The following PDE4D variants were observed in gnomAD, a reference collection of about 807,000 sequenced individuals.
PDE4D encodes phosphodiesterase 4D, also known as 3',5'-cyclic-AMP phosphodiesterase 4D.
PDE4D carries 24 observed loss-of-function variants against 87.4 expected under a neutral mutation model. That is an observed-to-expected ratio of 0.27 (90% confidence interval 0.20 to 0.39). The LOEUF (loss-of-function observed/expected upper bound fraction) is 0.39, where lower values mean the gene tolerates loss of function less well. PDE4D is among the 10% of genes least tolerant of loss of function. The pLI, the probability that PDE4D is intolerant of heterozygous loss-of-function variation, is 1.00. For missense variants in PDE4D, 714 were observed against 1,041.0 expected (o/e 0.69, Z 4.32); for synonymous variants, 384 against 383.2 (o/e 1.00, Z -0.02).
chr5:59,768,810 A>C (rs1046293668), intron 1 of PDE4D, among the ~76,000 whole-genome samples: 2 of 152,224 alleles, frequency 1.3e-5, no homozygotes, highest in Admixed American at 1.3e-4. Context: ...TGTCCGTGCT[A>C]CAAAGCAGCC....
chr5:59,373,655 C>T (rs1784290763), intron 1 of PDE4D, among the ~76,000 whole-genome samples: 1 of 152,068 alleles, frequency 6.6e-6, no homozygotes, highest in South Asian at 2.1e-4. Flanking sequence ...TTAGAGAGGC[C>T]AACATTTAAA....
chr5:59,166,109 GT>G (rs922363991), intron 5 of PDE4D, among the ~76,000 whole-genome samples: 2 of 152,064 alleles, frequency 1.3e-5, no homozygotes, highest in Non-Finnish European at 2.9e-5. Flanking sequence ...AGCAGAGTTG[GT>G]TTTTTTGTAT....
chr5:59,811,994 G>A (rs1413971745), intron 1 of PDE4D, among the ~76,000 whole-genome samples: 1 of 152,202 alleles, frequency 6.6e-6, no homozygotes, highest in Non-Finnish European at 1.5e-5. Context: ...CTAGCGCGAG[G>A]AAAGTGACTG....
intron 1 of PDE4D, among the ~76,000 whole-genome samples, chr5:59,408,947 G>T (rs538741511): frequency 1.3e-5 from 2 of 152,078 alleles, no homozygotes; most frequent in Non-Finnish European, 2.9e-5. Flanking sequence ...AGGAGTTCAA[G>T]ACAAGCCTGG....
chr5:59,192,718 T>A (rs142338024), intron 3 of PDE4D, among the ~76,000 whole-genome samples: 1 of 152,210 alleles, frequency 6.6e-6, no homozygotes, highest in Non-Finnish European at 1.5e-5. Flanking sequence ...GTTAAATCAG[T>A]TTTATCTCAT....
chr5:60,316,802 G>A (rs558040312), intron 1 of PDE4D, among the ~76,000 whole-genome samples: 26 of 152,242 alleles, frequency 1.7e-4, no homozygotes, highest in South Asian at 4.2e-4. Flanking sequence ...ACTGATTTGC[G>A]TCTGTTGAAC....
chr5:59,411,451 G>T (rs1234185332), intron 1 of PDE4D, among the ~76,000 whole-genome samples: 1 of 152,128 alleles, frequency 6.6e-6, no homozygotes, highest in Non-Finnish European at 1.5e-5. Flanking sequence ...CACAGATTGG[G>T]TGGCTTACAC....
chr5:59,565,704 G>C (rs899497811), intron 1 of PDE4D, among the ~76,000 whole-genome samples: 4 of 152,206 alleles, frequency 2.6e-5, no homozygotes, highest in Admixed American at 2.0e-4. Context: ...CAAAGCAACT[G>C]GGCAAGGAAG....
In PDE4D at chr5:60,231,942, G is replaced by A. The variant is rs559053760; in HGVS notation, c.-89-46255C>T. Among the ~76,000 whole-genome samples, 150 of 152,058 alleles carry A rather than the reference G, an allele frequency of 9.9e-4. 1 individual carries two copies. Among genetic ancestry groups the A allele is most frequent in the African/African-American group, 3.5e-3 (146 of 41,554 alleles). ...AGACAATAAATGTTGGAGACATCCC[G>A]CTGTGAGCTGACATAGTATAGAGGG... On this transcript the variant is annotated intron_variant, in intron 1 of 16. Transcript: ENST00000502484.
At chr5:60,328,651 C>A (rs1248910470) in intron 1 of PDE4D, among the ~76,000 whole-genome samples, 2 of 152,062 alleles carry the variant, frequency 1.3e-5, no homozygotes, top group African/African-American at 4.8e-5. Flanking sequence ...TGGGCTCATG[C>A]ATATATGTTT....
chr5:59,580,722 T>G (rs933849378), intron 1 of PDE4D, among the ~76,000 whole-genome samples: 3 of 152,096 alleles, frequency 2.0e-5, no homozygotes, highest in Non-Finnish European at 4.4e-5. Flanking sequence ...TGCTATGAGA[T>G]TTTCTTTAAT....
intron 3 of PDE4D, among the ~76,000 whole-genome samples, chr5:59,954,132 C>T (rs1398500518): frequency 6.6e-6 from 1 of 152,162 alleles, no homozygotes; most frequent in Non-Finnish European, 1.5e-5. Flanking sequence ...CCATGTTGGC[C>T]AGGCTGGTCT....
intron 5 of PDE4D, among the ~76,000 whole-genome samples, chr5:59,130,258 TC>T (rs1233719331): frequency 6.6e-6 from 1 of 152,180 alleles, no homozygotes; most frequent in Non-Finnish European, 1.5e-5. Context: ...TTGTCTCTTC[TC>T]CCTGAGACAA....
chr5:59,815,637 T>A (rs1480777813), intron 1 of PDE4D, among the ~76,000 whole-genome samples: 4 of 152,230 alleles, frequency 2.6e-5, no homozygotes, highest in African/African-American at 7.2e-5. Context: ...TGTTAGCTAG[T>A]GTTCCTGGTA....
intron 13 of PDE4D, 134 bp downstream of exon 13, chr5:58,976,216 A>G: frequency 1.0e-6 from 1 of 987,974 alleles, no homozygotes; most frequent in Non-Finnish European, 1.4e-6. Context: ...AAATTTGGAT[A>G]AAAATCCTGC....
chr5:59,364,813 T>C lies in PDE4D; in HGVS notation c.456-148845A>G, dbSNP rs554219930. Among the ~76,000 whole-genome samples the C allele has an allele frequency of 2.6e-5, 4 of 152,256 alleles. No individual in the cohort carries two copies. In the South Asian group the frequency reaches 8.3e-4, roughly 32 times the overall value. ...ACCAACCAGCCTCCCTTCCTTTTTT[T>C]CTTCCTCCCTCTCTCTTGCCCACCC... On this transcript the variant is annotated intron_variant, in intron 1 of 14. Coordinates refer to ENST00000340635, the MANE Select transcript of PDE4D (RefSeq NM_001104631.2).
intron 1 of PDE4D, among the ~76,000 whole-genome samples, chr5:60,267,847 A>G (rs1247993947): frequency 6.6e-6 from 1 of 152,160 alleles, no homozygotes; most frequent in East Asian, 1.9e-4. Flanking sequence ...TATTTGTAAA[A>G]TCTGCTGTCT....
chr5:59,592,700 G>T (rs942446518), intron 1 of PDE4D, among the ~76,000 whole-genome samples: 2 of 151,456 alleles, frequency 1.3e-5, no homozygotes, highest in African/African-American at 4.8e-5. Context: ...TTTGGAAGTA[G>T]AAGACTTAAA....
intron 1 of PDE4D, among the ~76,000 whole-genome samples, chr5:59,648,412 A>G (rs1468938084): frequency 6.6e-6 from 1 of 152,198 alleles, no homozygotes; most frequent in Non-Finnish European, 1.5e-5. Context: ...TAACATTTTC[A>G]TTACACAATA....
Sources: gnomAD v4.1 joint callset for allele counts (sites outside exome capture counted in the v4.1 genomes callset) on GRCh38, gnomAD v4.1.1 for gene constraint, MANE v1.5 for transcripts, NCBI Gene and HGNC (gene_info 2026-07-23, HGNC 2026-07-21) for gene names.